PSCA: variants seen among roughly 807,000 people sequenced by gnomAD.
PSCA encodes the protein prostate stem cell antigen.
A neutral mutation model predicts 7.9 loss-of-function variants in PSCA; 7 were observed. The observed-to-expected ratio is 0.89, with a 90% CI of 0.51 to 1.67. The LOEUF (loss-of-function observed/expected upper bound fraction) is 1.67. PSCA is among the 40% of genes most tolerant of loss of function. The pLI is 0.00. For missense variants in PSCA, 151 were observed against 147.9 expected (o/e 1.02, Z -0.11); for synonymous variants, 61 against 68.3 (o/e 0.89, Z 0.53).
chr8:142,680,955 G>T (rs1426929851), intron 1 of PSCA: 3 of 461,038 alleles, frequency 6.5e-6, no homozygotes, highest in Non-Finnish European at 1.2e-5. Context: ...GGTGCTGGGG[G>T]TGTCCTGCGA....
chr8:142,681,521 GT>G, intron 2 of PSCA, 87 bp downstream of exon 2: 1 of 1,242,556 alleles, frequency 8.0e-7, no homozygotes. Flanking sequence ...TCTGTGTGCT[GT>G]TTTCCTTCCA....
upstream of PSCA, among the ~76,000 whole-genome samples, chr8:142,676,944 A>G (rs994077627): frequency 6.6e-6 from 1 of 152,234 alleles, no homozygotes; most frequent in Non-Finnish European, 1.5e-5. Flanking sequence ...GTTTAGGCTC[A>G]GGGGCTGCAT....
chr8:142,679,578 A>G (rs1012742205), upstream of PSCA, among the ~76,000 whole-genome samples: 4 of 152,246 alleles, frequency 2.6e-5, no homozygotes, highest in Admixed American at 1.3e-4. Context: ...TGAGACATCA[A>G]TCAAATATAT....
At chr8:142,678,955 ACCG>A (rs1554638058), upstream of PSCA, among the ~76,000 whole-genome samples, 2 of 127,712 alleles carry the variant, frequency 1.6e-5, no homozygotes, top group South Asian at 2.6e-4. Flanking sequence ...GCCACCACCC[ACCG>A]CCCAGCTGAC....
upstream of PSCA, among the ~76,000 whole-genome samples, chr8:142,679,684 G>A (rs1473069287): frequency 2.0e-5 from 3 of 152,212 alleles, no homozygotes; most frequent in Admixed American, 1.3e-4. Flanking sequence ...GTTGGCAATC[G>A]CTTGCAAGAG....
chr8:142,682,292 C>T lies in PSCA; in HGVS notation c.*160C>T, dbSNP rs782324646. 3.7e-5 allele frequency: 34 copies of T among 910,556 alleles called. 1 individual carries two copies. The South Asian group carries it at 4.6e-4, about 12-fold the overall frequency. 56.4% of individuals were successfully genotyped at this position (910,556 alleles called of 1,614,324 possible). On this transcript the variant is annotated 3_prime_UTR_variant, in exon 3 of 3. Transcript: ENST00000301258. The stretch of plus-strand genomic sequence containing the variant: ...TCTGCGCCCCTGTCCCCCACCCTGA[C>T]CCTCCCATGGCCCTCTCCAGGACTC...
In PSCA at chr8:142,682,523, G is replaced by A; in HGVS notation, c.*391G>A. The stretch of plus-strand genomic sequence containing the variant: ...TGTCCCCCGCACCCAGCAGGGGACA[G>A]GCACTCAGGAGGGCCCGGTAAAGGC... On this transcript the variant is annotated 3_prime_UTR_variant, in exon 3 of 3. Transcript: ENST00000301258. The A allele has an allele frequency of 2.1e-6, 1 of 484,378 alleles. No individual in the cohort carries two copies. 30.0% of individuals were successfully genotyped at this position (484,378 alleles called of 1,614,324 possible).
intron 1 of PSCA, 167 bp from the exon 2 acceptor site, chr8:142,681,160 G>A (rs1554638261): frequency 1.7e-6 from 1 of 587,218 alleles, no homozygotes; most frequent in African/African-American, 1.9e-5. Context: ...ACATTTCGGA[G>A]GCACTGAGCA....
rs1554638198 is a variant in PSCA at position 142,680,550 on chromosome 8, G to A, written c.12G>A (p.Leu4=). 2 of 1,554,218 alleles carry A rather than the reference G, an allele frequency of 1.3e-6. No homozygotes were observed. Among genetic ancestry groups the A allele is most frequent in the Admixed American group, 3.9e-5 (2 of 51,308 alleles). ...TGCTTGCCCTGTTGATGGCAGGCTTGGCCCTGCAGCCAGGTGAGGCCTTGG... is the reference window on the plus strand; with the variant it reads ...TGCTTGCCCTGTTGATGGCAGGCTTAGCCCTGCAGCCAGGTGAGGCCTTGG... The part of the protein sequence containing the change: MAG[L]ALQPGTALLC... Residue 4 remains leucine (L), a synonymous_variant, in exon 1 of 3, where the codon TTG becomes TTA. Transcript: ENST00000301258.
chr8:142,679,659 T>C (rs1847439430), upstream of PSCA, among the ~76,000 whole-genome samples: 1 of 152,186 alleles, frequency 6.6e-6, no homozygotes, highest in Admixed American at 6.5e-5. Flanking sequence ...TATAGGTGGA[T>C]TTAAACATCT....
Position 142,681,440 on chromosome 8 carries a change from T to TG in PSCA, c.133+12dup, listed in dbSNP as rs1174920542. 9 of 1,581,612 alleles carry TG rather than the reference T, an allele frequency of 5.7e-6. No individual in the cohort carries two copies. The highest frequency in any genetic ancestry group is 1.7e-4 in the Middle Eastern group (1 of 6,046). ...GTGCTGGACCGCGCGCATCCGTGAG[T>TG]GGGGGGACGACAGCCGCCAGGCCTA... On this transcript the variant is annotated splice_region_variant and intron_variant, in intron 2 of 2. Transcript: ENST00000301258.
upstream of PSCA, among the ~76,000 whole-genome samples, chr8:142,679,052 T>C (rs1847432318): frequency 2.0e-5 from 3 of 152,162 alleles, no homozygotes; most frequent in Admixed American, 2.0e-4. Flanking sequence ...TAGAGGGCCA[T>C]AGCCACTGCC....
Position 142,681,640 on chromosome 8 carries a change from T to A in PSCA, c.133+206T>A, listed in dbSNP as rs1554638373. ...TCCTCCACTCATCTGTCCCTCCCCA[T>A]CCTCCATCTTCCACTCCTCCACCCA... On this transcript the variant is annotated intron_variant, in intron 2 of 2. Coordinates refer to ENST00000301258, the MANE Select transcript of PSCA (RefSeq NM_005672.5). 5.0e-5 allele frequency: 31 copies of A among 619,266 alleles called. 1 individual carries two copies. The highest frequency in any genetic ancestry group is 7.9e-5 in the Non-Finnish European group (27 of 342,188). The allele number at this position is 619,266 out of a possible 1,614,324, so 38.4% of individuals were successfully genotyped here.
chr8:142,675,451 C>T lies in PSCA; in HGVS notation n.261+4883C>T, dbSNP rs587742653. ...TTAGAGATGGGGAGGGCCTGTGGGC[C>T]CCAGCTGGGTGGGCTTGGGGAAGAA... is the stretch of plus-strand genomic sequence containing the variant. On this transcript the variant is annotated intron_variant and non_coding_transcript_variant, in intron 1 of 1. Transcript: ENST00000505305. Among the ~76,000 whole-genome samples, 9 of 152,260 alleles carry T rather than the reference C, an allele frequency of 5.9e-5. No homozygotes were observed. In the South Asian group the frequency reaches 1.9e-3, roughly 32 times the overall value.
At chr8:142,679,225 C>T (rs587631024), upstream of PSCA, among the ~76,000 whole-genome samples, 5 of 152,386 alleles carry the variant, frequency 3.3e-5, no homozygotes, top group South Asian at 2.1e-4. Flanking sequence ...TAGCCGCTGC[C>T]TCCTGCTACT....
rs1814665092 is a variant in PSCA, at chr8:142,682,270, GCGCCCCTGTCCCCCACCCTGACCCTCC to G, written c.*140_*166del. The G allele has an allele frequency of 5.4e-6, 6 of 1,110,370 alleles. No individual in the cohort carries two copies. Among genetic ancestry groups the G allele is most frequent in the Non-Finnish European group, 7.9e-6 (6 of 758,424 alleles). The allele number at this position is 1,110,370 out of a possible 1,614,324, so 68.8% of individuals were successfully genotyped here. On this transcript the variant is annotated 3_prime_UTR_variant, in exon 3 of 3. Transcript: ENST00000301258. Reference sequence around the variant, plus strand: ...AACGCAAGTCTGACCATGTATGTCTGCGCCCCTGTCCCCCACCCTGACCCTCCCATGGCCCTCTCCAGGACTCCCACC... The same window carrying G: ...AACGCAAGTCTGACCATGTATGTCTGCATGGCCCTCTCCAGGACTCCCACC...
upstream of PSCA, chr8:142,676,022 C>T (rs1471704530): frequency 6.6e-6 from 1 of 152,234 alleles, no homozygotes; most frequent in Non-Finnish European, 1.5e-5. Context: ...TGGTGGGACT[C>T]CCTGCAAGGT....
Position 142,680,577 on chromosome 8 carries a change from T to C in PSCA, c.25+14T>C, listed in dbSNP as rs936643555. ...CCCTGCAGCCAGGTGAGGCCTTGGC[T>C]GGCCCCCAGCAGGGAAGGGAGCAGG... On this transcript the variant is annotated intron_variant, in intron 1 of 2. Transcript: ENST00000301258. 1 of 1,553,744 alleles carries C rather than the reference T, an allele frequency of 6.4e-7. No homozygotes were observed. Among genetic ancestry groups the C allele is most frequent in the Non-Finnish European group, 8.7e-7 (1 of 1,148,292 alleles).
chr8:142,681,112 C>G (rs1373901872), intron 1 of PSCA: 2 of 541,328 alleles, frequency 3.7e-6, no homozygotes, highest in Admixed American at 3.2e-5. Context: ...CTGAAACACA[C>G]GGTCACAAAA....
Sources: allele counts gnomAD v4.1 joint callset (sites outside exome capture counted in the v4.1 genomes callset), GRCh38; gene constraint gnomAD v4.1.1; transcripts MANE v1.5; gene names NCBI Gene and HGNC (gene_info 2026-07-23, HGNC 2026-07-21).